HDX: variants seen among roughly 807,000 people sequenced by gnomAD.
HDX encodes highly divergent homeobox, also known as chromosome X open reading frame 43.
A neutral mutation model predicts 45.2 loss-of-function variants in HDX; 19 were observed. That is an observed-to-expected ratio of 0.42 (90% CI 0.29 to 0.62). The LOEUF (loss-of-function observed/expected upper bound fraction) is 0.62. Among genes scored for constraint, HDX ranks in the 20% least tolerant of loss-of-function variants. The pLI, the probability that HDX is intolerant of heterozygous loss-of-function variation, is 0.20. For synonymous variants in HDX, 188 were observed against 172.8 expected, an observed-to-expected ratio of 1.09 and a Z score of -0.69; for missense variants, 532 against 493.9, an observed-to-expected ratio of 1.08 and a Z score of -0.73.
intron 1 of HDX, among the ~76,000 whole-genome samples, chrX:84,499,393 T>G (rs1190161712): frequency 1.8e-5 from 2 of 111,762 alleles, no homozygotes; most frequent in Non-Finnish European, 3.8e-5. Flanking sequence ...CTTAACAGCA[T>G]ATTTCTAAGC....
At chrX:84,339,496 G>A (rs754303407) in intron 7 of HDX, among the ~76,000 whole-genome samples, 5 of 111,251 alleles carry the variant, frequency 4.5e-5, no homozygotes, top group Admixed American at 9.6e-5. Context: ...TATTTTGGAA[G>A]ATTAAAATTA....
intron 5 of HDX, among the ~76,000 whole-genome samples, chrX:84,400,167 T>C (rs779045412): frequency 9.1e-6 from 1 of 109,888 alleles, no homozygotes; most frequent in East Asian, 2.9e-4. Flanking sequence ...ATGCTCTCTC[T>C]CACCACTCCT....
At chrX:84,339,493 G>C (rs2037037784) in intron 7 of HDX, among the ~76,000 whole-genome samples, 1 of 111,110 alleles carries the variant, frequency 9.0e-6, no homozygotes, top group African/African-American at 3.3e-5. Flanking sequence ...GATTATTTTG[G>C]AAGATTAAAA....
chrX:84,349,459 G>T (rs2037285579), intron 6 of HDX, among the ~76,000 whole-genome samples: 3 of 79,216 alleles, frequency 3.8e-5, no homozygotes, highest in Admixed American at 3.2e-4. Context: ...GTATGGTTAG[G>T]GTTAGGCATT....
At chrX:84,381,073 A>G (rs191197829) in intron 5 of HDX, among the ~76,000 whole-genome samples, 1 of 111,319 alleles carries the variant, frequency 9.0e-6, no homozygotes. Context: ...TCAACAGTGA[A>G]CAATCTGAAT....
chrX:84,484,649 TGTAA>T (rs1283303049), intron 2 of HDX, among the ~76,000 whole-genome samples: 2 of 112,015 alleles, frequency 1.8e-5, no homozygotes, highest in African/African-American at 6.5e-5. Context: ...ACCAATAGCA[TGTAA>T]GTGTCTCATT....
intron 4 of HDX, among the ~76,000 whole-genome samples, chrX:84,461,477 G>A (rs1353716248): frequency 9.1e-6 from 1 of 109,605 alleles, no homozygotes; most frequent in Non-Finnish European, 1.9e-5. Context: ...ATATGGAGAA[G>A]AATGAAACTA....
intron 5 of HDX, among the ~76,000 whole-genome samples, chrX:84,426,982 C>T (rs772355668): frequency 7.3e-5 from 8 of 110,183 alleles, no homozygotes; most frequent in Non-Finnish European, 1.5e-4. Flanking sequence ...GAGTGTGTTC[C>T]GGAAATCTGC....
At chrX:84,411,953 A>C (rs1027783820) in intron 5 of HDX, among the ~76,000 whole-genome samples, 14 of 111,092 alleles carry the variant, frequency 1.3e-4, no homozygotes. Flanking sequence ...TTTTGGTATA[A>C]ATTTTGTTTT....
At chrX:84,479,889 T>A (rs2040639631) in intron 2 of HDX, among the ~76,000 whole-genome samples, 1 of 111,626 alleles carries the variant, frequency 9.0e-6, no homozygotes, top group Admixed American at 9.6e-5. Context: ...CCATATTTTT[T>A]AATTGGGTTG....
At chrX:84,353,129 TA>T (rs2037398591) in intron 6 of HDX, among the ~76,000 whole-genome samples, 2 of 112,415 alleles carry the variant, frequency 1.8e-5, no homozygotes, top group South Asian at 7.3e-4. Flanking sequence ...AAATTAAAGC[TA>T]AAATATTTCC....
At position 84,423,498 on chromosome X, in the gene HDX, A is replaced by AG. The variant is rs1267874642; in HGVS notation, c.1305+17033_1305+17034insC. On this transcript the variant is annotated intron_variant, in intron 5 of 10. Transcript: ENST00000373177. ...ACAGAAACATCAAAAAAAAAAAAAA[A>AG]AAAGAGAGAGAGAGAGAAAACTGCA... Among the ~76,000 whole-genome samples the AG allele has an allele frequency of 2.5e-4, 26 of 103,854 alleles. No individual in the cohort carries two copies. The South Asian group carries it at 7.7e-3, about 31-fold the overall frequency. The allele number at this position is 103,854 out of a possible 115,157, so 90.2% of individuals were successfully genotyped here. A position where few individuals can be genotyped will look rare whatever the true frequency, so the allele number is the denominator to read the frequency against.
intron 2 of HDX, among the ~76,000 whole-genome samples, chrX:84,485,000 T>C (rs2040761868): frequency 8.9e-6 from 1 of 112,003 alleles, no homozygotes; most frequent in African/African-American, 3.3e-5. Context: ...CAGTTCAAAA[T>C]ATTTTCCAAT....
Position 84,319,507 on chromosome X carries a change from C to A in HDX, c.*2382G>T, listed in dbSNP as rs1271539685. ...CCTTCAGTTCCTGCTACAGAATAGC[C>A]ACATTTCATTTTAGAAGTGTTTTAA... On this transcript the variant is annotated 3_prime_UTR_variant, in exon 11 of 11. Transcript: ENST00000373177. The A allele has an allele frequency of 9.0e-6, 1 of 111,245 alleles. No individual in the cohort carries two copies. The highest frequency in any genetic ancestry group is 1.9e-5 in the Non-Finnish European group (1 of 52,546). The allele number at this position is 111,245 out of a possible 1,213,427, so 9.2% of individuals were successfully genotyped here.
chrX:84,384,987 T>G (rs1229527643), intron 5 of HDX, among the ~76,000 whole-genome samples: 1 of 110,123 alleles, frequency 9.1e-6, no homozygotes, highest in Non-Finnish European at 1.9e-5. Context: ...TTCTTTTTCT[T>G]AGATTTGCCC....
intron 4 of HDX, among the ~76,000 whole-genome samples, chrX:84,452,852 A>C (rs1204915026): frequency 8.9e-6 from 1 of 112,022 alleles, no homozygotes; most frequent in Admixed American, 9.4e-5. Context: ...CATAAGACTC[A>C]AAAATATAAA....
chrX:84,409,763 C>A lies in HDX; in HGVS notation c.1305+30769G>T, dbSNP rs776014992. ...GGGAGGGATAGCATTAGGAGATATA[C>A]CTAATGCTAAATGACGAGTTAATGG... On this transcript the variant is annotated intron_variant, in intron 5 of 10. Coordinates refer to ENST00000373177, the MANE Select transcript of HDX (RefSeq NM_001177479.2). Among the ~76,000 whole-genome samples, 230 of 103,921 alleles carry A rather than the reference C, an allele frequency of 2.2e-3. 1 individual carries two copies. Among genetic ancestry groups the A allele is most frequent in the East Asian group, 0.017 (53 of 3,198 alleles). The allele number at this position is 103,921 out of a possible 115,157, so 90.2% of individuals were successfully genotyped here.
chrX:84,462,555 T>A (rs1231290751), intron 4 of HDX, among the ~76,000 whole-genome samples: 2 of 111,306 alleles, frequency 1.8e-5, no homozygotes, highest in African/African-American at 6.5e-5. Context: ...CAAAGTGCAA[T>A]AAGCCAAAAT....
intron 10 of HDX, among the ~76,000 whole-genome samples, chrX:84,324,505 T>A (rs2036668660): frequency 9.0e-6 from 1 of 111,654 alleles, no homozygotes; most frequent in South Asian, 3.7e-4. Flanking sequence ...TTCTATTTGG[T>A]GCTGATTATA....
Sources: gnomAD v4.1 joint callset for allele counts (sites outside exome capture counted in the v4.1 genomes callset) on GRCh38, gnomAD v4.1.1 for gene constraint, MANE v1.5 for transcripts, NCBI Gene and HGNC (gene_info 2026-07-23, HGNC 2026-07-21) for gene names.